Variants in MAP3K13 observed in about 807,000 individuals in gnomAD.
The protein encoded by MAP3K13 is leucine zipper-bearing kinase.
MAP3K13 carries 52 observed loss-of-function variants against 104.0 expected under a neutral mutation model. The ratio of observed to expected loss-of-function variants is 0.50; its 90% CI spans 0.40 to 0.63. The LOEUF is 0.63. Ranked by LOEUF, MAP3K13 falls within the 20% of genes least tolerant of loss-of-function variation. MAP3K13 has a pLI of 0.00. For missense variants in MAP3K13, 914 were observed against 1,218.5 expected, an observed-to-expected ratio of 0.75 and a Z score of 3.72; for synonymous variants, 394 against 442.2, an observed-to-expected ratio of 0.89 and a Z score of 1.37.
intron 2 of MAP3K13, chr3:185,293,162 G>C (rs1476174211): frequency 9.3e-6 from 5 of 536,554 alleles, no homozygotes; most frequent in African/African-American, 2.1e-5. Context: ...CTGTCACCCA[G>C]GCTGGAGTGT....
chr3:185,394,585 A>G (rs768372325), intron 1 of MAP3K13, among the ~76,000 whole-genome samples: 1 of 152,238 alleles, frequency 6.6e-6, no homozygotes. Context: ...ATTCCAGGGT[A>G]TACTACGTAA....
In MAP3K13 at chr3:185,443,516, T is replaced by A; in HGVS notation, c.731T>A (p.Val244Asp). The change falls in exon 4 of 14, where the codon GTC becomes GAC. Residue 244 changes from valine to aspartate, a missense_variant. Coordinates refer to ENST00000265026, the MANE Select transcript of MAP3K13 (RefSeq NM_004721.5). ...TGTGCCCATGGACAACTCTACGAGG[T>A]CTTACGAGCTGGCAGGAAGATCACA... ...EYCAHGQLYE[V>D]LRAGRKITPR... 6.2e-7 allele frequency: 1 copy of A among 1,614,120 alleles called. No homozygotes were observed. Among genetic ancestry groups the A allele is most frequent in the Non-Finnish European group, 8.5e-7 (1 of 1,179,990 alleles).
intron 7 of MAP3K13, among the ~76,000 whole-genome samples, chr3:185,454,716 GAT>G (rs1273641004): frequency 7.5e-5 from 1 of 13,284 alleles, no homozygotes; most frequent in African/African-American, 1.2e-4. Context: ...TCATATATGA[GAT>G]ATATATGATA....
intron 1 of MAP3K13, among the ~76,000 whole-genome samples, chr3:185,415,057 G>C (rs1713667631): frequency 6.6e-6 from 1 of 152,158 alleles, no homozygotes; most frequent in Non-Finnish European, 1.5e-5. Context: ...CACTTGCTTA[G>C]AGTCATGAAG....
At position 185,428,815 on chromosome 3, in the gene MAP3K13, C is replaced by T. The variant is rs376365793; in HGVS notation, c.234C>T (p.Asp78=). Residue 78 remains aspartate, a synonymous_variant, in exon 2 of 14, where the codon GAC becomes GAT. Transcript: ENST00000265026. ...CGAGCGTAAGTGAGGATTCCAGGGA[C>T]CAGTTTGAGAACAGCGTTCTTCAGC... ...VLTSVSEDSR[D]QFENSVLQLR... The T allele has an allele frequency of 1.2e-6, 2 of 1,614,100 alleles. No homozygotes were observed. The highest frequency in any genetic ancestry group is 2.2e-5 in the East Asian group (1 of 44,872).
At chr3:185,330,978 C>T (rs145025336) in intron 2 of MAP3K13, among the ~76,000 whole-genome samples, 5 of 152,064 alleles carry the variant, frequency 3.3e-5, no homozygotes, top group South Asian at 2.1e-4. Context: ...AGCCTTCATT[C>T]GGGTCTCTAT....
intron 2 of MAP3K13, among the ~76,000 whole-genome samples, chr3:185,431,354 T>G (rs947221315): frequency 6.6e-6 from 1 of 152,214 alleles, no homozygotes; most frequent in African/African-American, 2.4e-5. Flanking sequence ...TTTTAAGCAA[T>G]CCCCTAGTGC....
chr3:185,396,241 C>A (rs982486432), intron 1 of MAP3K13, among the ~76,000 whole-genome samples: 1 of 151,910 alleles, frequency 6.6e-6, no homozygotes, highest in Non-Finnish European at 1.5e-5. Flanking sequence ...CGTGGTGGTG[C>A]GCATCTGTAG....
At chr3:185,417,817 T>A in intron 1 of MAP3K13, 22 of 1,611,412 alleles carry the variant, frequency 1.4e-5, no homozygotes, top group Middle Eastern at 2.2e-4. Flanking sequence ...GATTCTCAAG[T>A]TTTTCAGTGG....
At chr3:185,302,837 G>A (rs1049081952) in intron 2 of MAP3K13, among the ~76,000 whole-genome samples, 1 of 151,794 alleles carries the variant, frequency 6.6e-6, no homozygotes, top group Non-Finnish European at 1.5e-5. Flanking sequence ...TCTTTTTCTT[G>A]TATAATTGCC....
upstream of MAP3K13, among the ~76,000 whole-genome samples, chr3:185,360,702 G>A (rs1028846743): frequency 3.3e-5 from 5 of 151,772 alleles, no homozygotes; most frequent in African/African-American, 9.7e-5. Context: ...GTTATTAGAA[G>A]CATTTATAGA....
At position 185,418,936 on chromosome 3, in the gene MAP3K13, A is replaced by G. The variant is rs940987038; in HGVS notation, c.-85-9561A>G. ...GTGAATCTCATTAGTAGAAAAGGTA[A>G]AAACAAAATAGGAGTCATTAACTTT... On this transcript the variant is annotated intron_variant, in intron 1 of 13. Transcript: ENST00000265026. The surrounding 1 kb of genome is among the most constrained non-coding windows in gnomAD (Gnocchi z 4.5). Among the ~76,000 whole-genome samples the G allele has an allele frequency of 1.3e-5, 2 of 152,196 alleles. No individual in the cohort carries two copies. Among genetic ancestry groups the G allele is most frequent in the African/African-American group, 4.8e-5 (2 of 41,448 alleles).
chr3:185,466,541 TA>T (rs1717444914), intron 9 of MAP3K13, among the ~76,000 whole-genome samples: 1 of 152,002 alleles, frequency 6.6e-6, no homozygotes, highest in South Asian at 2.1e-4. Flanking sequence ...CATGCCCAGC[TA>T]ATTTTTGTAT....
intron 2 of MAP3K13, among the ~76,000 whole-genome samples, chr3:185,320,285 T>C (rs557394618): frequency 1.3e-5 from 2 of 152,242 alleles, no homozygotes; most frequent in South Asian, 4.1e-4. Context: ...CTCACCATGT[T>C]GGCCAGGCTG....
chr3:185,355,338 G>A (rs925782157), intron 2 of MAP3K13, among the ~76,000 whole-genome samples: 7 of 151,934 alleles, frequency 4.6e-5, no homozygotes, highest in Non-Finnish European at 4.4e-5. Flanking sequence ...ATGGTGGTGC[G>A]TGCCTGTAAT....
At chr3:185,382,968 G>C (rs1724800453) in intron 1 of MAP3K13, among the ~76,000 whole-genome samples, 1 of 151,100 alleles carries the variant, frequency 6.6e-6, no homozygotes, top group Non-Finnish European at 1.5e-5. Flanking sequence ...CCACTAACTC[G>C]TCATCTAGCA....
intron 7 of MAP3K13, among the ~76,000 whole-genome samples, chr3:185,462,249 G>T (rs1717149792): frequency 6.6e-6 from 1 of 152,024 alleles, no homozygotes; most frequent in Non-Finnish European, 1.5e-5. Flanking sequence ...TCCAGTAGTG[G>T]TTTTTTTCTA....
chr3:185,388,140 C>T (rs2108765288), intron 1 of MAP3K13, among the ~76,000 whole-genome samples: 1 of 151,350 alleles, frequency 6.6e-6, no homozygotes, highest in Non-Finnish European at 1.5e-5. Flanking sequence ...AAAAAAAATC[C>T]CAACTAGGAA....
intron 11 of MAP3K13, among the ~76,000 whole-genome samples, chr3:185,475,030 G>T (rs1177259266): frequency 6.7e-6 from 1 of 150,242 alleles, no homozygotes; most frequent in Non-Finnish European, 1.5e-5. Context: ...GGAGGTGGAG[G>T]CTGCAGTGAG....
Sources: gnomAD v4.1 joint callset for allele counts (sites outside exome capture counted in the v4.1 genomes callset) on GRCh38, gnomAD v4.1.1 for gene constraint, Gnocchi (gnomAD v3.1) non-coding constraint, MANE v1.5 for transcripts, NCBI Gene and HGNC (gene_info 2026-07-23, HGNC 2026-07-21) for gene names.